TRDN: variants seen among roughly 807,000 people sequenced by gnomAD.
TRDN encodes the protein triadin, also known as triadin in skeletal muscle.
TRDN carries 161 observed loss-of-function variants against 149.7 expected under a neutral mutation model. That is an observed-to-expected ratio of 1.08 (90% confidence interval 0.95 to 1.23). The LOEUF is 1.23. Among genes scored for constraint, TRDN ranks in the 50% most tolerant of loss-of-function variants. The pLI is 0.00. For synonymous variants in TRDN, 294 were observed against 250.5 expected (o/e 1.17, Z -1.64); for missense variants, 896 against 823.5 (o/e 1.09, Z -1.08).
intron 9 of TRDN, among the ~76,000 whole-genome samples, chr6:123,483,046 T>C (rs1583122036): frequency 6.7e-6 from 1 of 149,606 alleles, no homozygotes; most frequent in Non-Finnish European, 1.5e-5. Context: ...GTTCAGTTTT[T>C]ACCCTGGATT....
At chr6:123,418,923 T>C (rs945521276) in intron 12 of TRDN, among the ~76,000 whole-genome samples, 1 of 151,984 alleles carries the variant, frequency 6.6e-6, no homozygotes, top group African/African-American at 2.4e-5. Context: ...AATACAGTTG[T>C]CTTTCTTATC....
chr6:123,500,598 A>AC (rs1778655310), intron 8 of TRDN, among the ~76,000 whole-genome samples: 1 of 152,182 alleles, frequency 6.6e-6, no homozygotes, highest in African/African-American at 2.4e-5. Flanking sequence ...CATTGTAAGT[A>AC]CTTTTTCCCC....
intron 9 of TRDN, among the ~76,000 whole-genome samples, chr6:123,482,710 CT>C (rs1205867015): frequency 6.6e-6 from 1 of 152,062 alleles, no homozygotes; most frequent in Non-Finnish European, 1.5e-5. Context: ...CAATATTGTA[CT>C]TTTTTCATAT....
chr6:123,518,829 A>C (rs1392053978), intron 5 of TRDN, among the ~76,000 whole-genome samples: 1 of 152,144 alleles, frequency 6.6e-6, no homozygotes, highest in Admixed American at 6.6e-5. Flanking sequence ...TCATAATGGC[A>C]GACAGCCACT....
At chr6:123,233,598 C>T (rs749819533) in intron 38 of TRDN, among the ~76,000 whole-genome samples, 8 of 152,134 alleles carry the variant, frequency 5.3e-5, no homozygotes, top group African/African-American at 7.2e-5. Context: ...CAGTGACAAA[C>T]GTTTCACCAA....
intron 9 of TRDN, among the ~76,000 whole-genome samples, chr6:123,474,503 A>T: frequency 6.6e-6 from 1 of 152,222 alleles, no homozygotes; most frequent in East Asian, 1.9e-4. Flanking sequence ...CACTGTCAAC[A>T]TTAGACAGAT....
intron 10 of TRDN, among the ~76,000 whole-genome samples, chr6:123,451,139 C>A (rs1295559586): frequency 6.6e-6 from 1 of 151,864 alleles, no homozygotes; most frequent in African/African-American, 2.4e-5. Flanking sequence ...ATGCCTACAT[C>A]AAAAAGACTA....
chr6:123,356,503 TTATATATA>T (rs71021444), intron 20 of TRDN, among the ~76,000 whole-genome samples: 271 of 106,926 alleles, frequency 2.5e-3, no homozygotes, highest in Middle Eastern at 0.01. Context: ...TACAAGAAGT[TTATATATA>T]TATATATATA....
intron 1 of TRDN, among the ~76,000 whole-genome samples, chr6:123,606,751 AT>A (rs1784547229): frequency 1.3e-5 from 2 of 152,152 alleles, no homozygotes; most frequent in Non-Finnish European, 2.9e-5. Context: ...TTATGTAGCA[AT>A]TTTCAAAAAA....
At chr6:123,622,250 T>TAA (rs1344689679) in intron 1 of TRDN, among the ~76,000 whole-genome samples, 1 of 151,976 alleles carries the variant, frequency 6.6e-6, no homozygotes, top group East Asian at 1.9e-4. Flanking sequence ...ATGATTTTCT[T>TAA]AAAAAACATT....
intron 38 of TRDN, among the ~76,000 whole-genome samples, chr6:123,237,962 A>G (rs1477460804): frequency 6.6e-6 from 1 of 152,194 alleles, no homozygotes; most frequent in Non-Finnish European, 1.5e-5. Flanking sequence ...CTATCAGTAG[A>G]AAAGAAAACA....
intron 38 of TRDN, among the ~76,000 whole-genome samples, chr6:123,244,586 T>C (rs932408975): frequency 2.0e-5 from 3 of 152,020 alleles, no homozygotes; most frequent in East Asian, 3.9e-4. Flanking sequence ...CCAAGAAACA[T>C]AGGACTATGT....
chr6:123,600,314 A>G (rs1784222882), intron 1 of TRDN, among the ~76,000 whole-genome samples: 1 of 152,010 alleles, frequency 6.6e-6, no homozygotes, highest in Non-Finnish European at 1.5e-5. Context: ...CCTTCCCTTA[A>G]GCTAAGCCCC....
intron 4 of TRDN, among the ~76,000 whole-genome samples, chr6:123,542,714 C>G: frequency 6.6e-6 from 1 of 152,002 alleles, no homozygotes; most frequent in East Asian, 1.9e-4. Flanking sequence ...AGTATTTTAT[C>G]TTTGAACATA....
chr6:123,261,354 C>T (rs988959397), intron 33 of TRDN, among the ~76,000 whole-genome samples: 8 of 151,784 alleles, frequency 5.3e-5, no homozygotes, highest in Non-Finnish European at 1.2e-4. Flanking sequence ...TTAATAAAAA[C>T]AAACTCAGTT....
At chr6:123,634,559 T>C (rs533714184) in intron 1 of TRDN, among the ~76,000 whole-genome samples, 1 of 152,080 alleles carries the variant, frequency 6.6e-6, no homozygotes, top group African/African-American at 2.4e-5. Flanking sequence ...GTATACCTTT[T>C]ATAAAAGACT....
At chr6:123,572,879 T>C (rs551658456) in intron 1 of TRDN, among the ~76,000 whole-genome samples, 1 of 152,200 alleles carries the variant, frequency 6.6e-6, no homozygotes, top group South Asian at 2.1e-4. Context: ...CATAAGAAAA[T>C]CTAAATTCTC....
At chr6:123,484,093 T>C (rs572827938) in intron 9 of TRDN, among the ~76,000 whole-genome samples, 7 of 152,264 alleles carry the variant, frequency 4.6e-5, no homozygotes, top group African/African-American at 1.4e-4. Flanking sequence ...ATGTTAATAT[T>C]GCAAAATTCA....
chr6:123,537,292 T>C (rs1483066866), intron 4 of TRDN, among the ~76,000 whole-genome samples: 11 of 152,206 alleles, frequency 7.2e-5, no homozygotes, highest in Admixed American at 7.2e-4. Flanking sequence ...CTATTTTGTC[T>C]TATAACACTT....
Sources: allele counts gnomAD v4.1 joint callset (sites outside exome capture counted in the v4.1 genomes callset), GRCh38; gene constraint gnomAD v4.1.1; transcripts MANE v1.5; gene names NCBI Gene and HGNC (gene_info 2026-07-23, HGNC 2026-07-21).